Variants in EPHA4 observed in about 807,000 individuals in gnomAD.
The protein encoded by EPHA4 is ephrin type-A receptor 4.
Under a neutral mutation model 108.3 loss-of-function variants are expected in EPHA4, and 19 were observed. That is an observed-to-expected ratio of 0.18 (90% CI 0.12 to 0.26). The LOEUF is 0.26. Ranked by LOEUF, EPHA4 falls within the 10% of genes least tolerant of loss-of-function variation. EPHA4 has a pLI of 1.00. For missense variants in EPHA4, 917 were observed against 1,254.0 expected (o/e 0.73, Z 4.06); for synonymous variants, 449 against 455.5 (o/e 0.99, Z 0.18).
At chr2:221,549,590 G>A (rs1276786734) in intron 3 of EPHA4, among the ~76,000 whole-genome samples, 2 of 152,216 alleles carry the variant, frequency 1.3e-5, no homozygotes, top group African/African-American at 4.8e-5. Context: ...CTCATTGGCA[G>A]CCAGGGCTCC....
In EPHA4 at chr2:221,445,317, C is replaced by T. The variant is rs372078934; in HGVS notation, c.1774+806G>A. On this transcript the variant is annotated intron_variant, in intron 9 of 17. Transcript: ENST00000281821. ...TTAAAAGTCTTCTACTGGCTGGGTG[C>T]GGTGGCTCACACCTGTAATCCCAGC... is the stretch of plus-strand genomic sequence containing the variant. Among the ~76,000 whole-genome samples the T allele has an allele frequency of 5.5e-3, 840 of 151,906 alleles. 7 individuals carry two copies. The highest frequency in any genetic ancestry group is 0.019 in the African/African-American group (804 of 41,444).
intron 8 of EPHA4, among the ~76,000 whole-genome samples, chr2:221,452,703 G>A (rs547102504): frequency 1.8e-5 from 2 of 110,168 alleles, no homozygotes; most frequent in East Asian, 6.5e-4. Context: ...TCAGCCTTGG[G>A]AAGTGACATT....
chr2:221,495,811 A>G (rs1444398183), intron 4 of EPHA4, among the ~76,000 whole-genome samples: 1 of 152,188 alleles, frequency 6.6e-6, no homozygotes, highest in South Asian at 2.1e-4. Context: ...CTGATTTTAC[A>G]AGCCAGTGGA....
In EPHA4 at chr2:221,436,534, T is replaced by C; in HGVS notation, c.2211A>G (p.Leu737=). 2 of 1,614,144 alleles carry C rather than the reference T, an allele frequency of 1.2e-6. No homozygotes were observed. The highest frequency in any genetic ancestry group is 1.3e-5 in the African/African-American group (1 of 75,030). ...LRGIGSGMKY[L]SDMSYVHRDL... ...CACGATGCACATAGCTCATATCAGA[T>C]AAATACTTCATCCCAGACCCAATGC... Residue 737 remains leucine (L), a synonymous_variant, in exon 13 of 18, where the codon TTA becomes TTG. Coordinates refer to ENST00000281821, the MANE Select transcript of EPHA4 (RefSeq NM_004438.5).
At position 221,420,527 on chromosome 2, in the gene EPHA4, G is replaced by A. The variant is rs1689727350; in HGVS notation, c.*845C>T. ...CTTTGTAATCAACAGGAAGGGCTGT[G>A]AGGCCAAGATAGCAGAATCTACTCC... On this transcript the variant is annotated 3_prime_UTR_variant, in exon 18 of 18. Transcript: ENST00000281821. The A allele has an allele frequency of 6.6e-6, 1 of 152,432 alleles. No homozygotes were observed. Among genetic ancestry groups the A allele is most frequent in the Non-Finnish European group, 1.5e-5 (1 of 68,052 alleles). The allele number at this position is 152,432 out of a possible 1,614,324, so 9.4% of individuals were successfully genotyped here.
At chr2:221,514,093 G>T (rs200275102) in intron 3 of EPHA4, among the ~76,000 whole-genome samples, 2 of 147,108 alleles carry the variant, frequency 1.4e-5, no homozygotes, top group Admixed American at 6.8e-5. Context: ...TAAGCCGGGG[G>T]GAGGGGGTTT....
At chr2:221,457,116 ATCTTTT>A (rs900225628) in intron 6 of EPHA4, among the ~76,000 whole-genome samples, 1 of 152,150 alleles carries the variant, frequency 6.6e-6, no homozygotes, top group African/African-American at 2.4e-5. Flanking sequence ...AAGGTCCCTT[ATCTTTT>A]TCTATTTTCT....
At chr2:221,544,658 A>C (rs1327972457) in intron 3 of EPHA4, among the ~76,000 whole-genome samples, 1 of 152,178 alleles carries the variant, frequency 6.6e-6, no homozygotes, top group Admixed American at 6.5e-5. Flanking sequence ...AAAAAGAAGA[A>C]ATACATGAAT....
At chr2:221,539,789 T>C (rs1156599141) in intron 3 of EPHA4, among the ~76,000 whole-genome samples, 1 of 152,132 alleles carries the variant, frequency 6.6e-6, no homozygotes, top group African/African-American at 2.4e-5. Flanking sequence ...TAGGAAGACT[T>C]GTAATCCCCC....
At chr2:221,514,620 C>G (rs1428274520) in intron 3 of EPHA4, among the ~76,000 whole-genome samples, 1 of 152,146 alleles carries the variant, frequency 6.6e-6, no homozygotes, top group Non-Finnish European at 1.5e-5. Flanking sequence ...TTGGGAGGGA[C>G]TATCAGGTAG....
At chr2:221,522,232 G>A (rs777358876) in intron 3 of EPHA4, among the ~76,000 whole-genome samples, 21 of 152,174 alleles carry the variant, frequency 1.4e-4, no homozygotes, top group Admixed American at 1.3e-4. Context: ...GTTGAAGAAC[G>A]GGGAAGGTGC....
intron 3 of EPHA4, among the ~76,000 whole-genome samples, chr2:221,520,539 C>G (rs1417145987): frequency 6.1e-5 from 2 of 32,762 alleles, no homozygotes; most frequent in East Asian, 5.0e-4. Context: ...CACACACACA[C>G]ACACAGAGAG....
chr2:221,570,825 C>T (rs781438217), intron 1 of EPHA4, among the ~76,000 whole-genome samples: 4 of 150,310 alleles, frequency 2.7e-5, no homozygotes, highest in Non-Finnish European at 5.9e-5. Context: ...GACGGACGGA[C>T]AGATATATGG....
chr2:221,455,989 A>G (rs1157506896), intron 7 of EPHA4, among the ~76,000 whole-genome samples: 1 of 152,120 alleles, frequency 6.6e-6, no homozygotes, highest in Non-Finnish European at 1.5e-5. Flanking sequence ...TCTTTCTTGA[A>G]GTCAAAAATC....
intron 5 of EPHA4, among the ~76,000 whole-genome samples, chr2:221,465,998 G>A (rs932771010): frequency 1.3e-5 from 2 of 152,204 alleles, no homozygotes; most frequent in East Asian, 1.9e-4. Context: ...GTTCCCTCCC[G>A]GAAACTCCAG....
chr2:221,528,926 G>A (rs72965011), intron 3 of EPHA4, among the ~76,000 whole-genome samples: 15,293 of 152,102 alleles, frequency 0.1, 1,020 homozygotes, highest in East Asian at 0.15. Flanking sequence ...AAAGATCAAA[G>A]TGGCATTTAC....
At chr2:221,471,908 A>T (rs1691498306) in intron 5 of EPHA4, among the ~76,000 whole-genome samples, 1 of 152,108 alleles carries the variant, frequency 6.6e-6, no homozygotes, top group Non-Finnish European at 1.5e-5. Flanking sequence ...CACAAACCTT[A>T]ATAATAACCC....
intron 5 of EPHA4, among the ~76,000 whole-genome samples, chr2:221,461,404 A>T (rs1452207558): frequency 6.6e-6 from 1 of 152,200 alleles, no homozygotes; most frequent in Non-Finnish European, 1.5e-5. Flanking sequence ...TGTACATCCC[A>T]CCCTTAAATA....
intron 3 of EPHA4, among the ~76,000 whole-genome samples, chr2:221,543,579 A>G (rs773125014): frequency 2.0e-5 from 3 of 152,206 alleles, no homozygotes; most frequent in Non-Finnish European, 4.4e-5. Context: ...GCTCTAAGCC[A>G]TATTTAGTTA....
Sources: gnomAD v4.1 joint callset for allele counts (sites outside exome capture counted in the v4.1 genomes callset) on GRCh38, gnomAD v4.1.1 for gene constraint, MANE v1.5 for transcripts, NCBI Gene and HGNC (gene_info 2026-07-23, HGNC 2026-07-21) for gene names.